The following TOLLIP variants were observed in gnomAD, a reference collection of about 807,000 sequenced individuals.
TOLLIP encodes toll-interacting protein.
Under a neutral mutation model 33.5 loss-of-function variants are expected in TOLLIP, and 16 were observed. The ratio of observed to expected loss-of-function variants is 0.48; its 90% CI spans 0.32 to 0.72. The LOEUF (loss-of-function observed/expected upper bound fraction) is 0.72, where lower values mean the gene tolerates loss of function less well. Among genes scored for constraint, TOLLIP ranks in the 30% least tolerant of loss-of-function variants. The probability of loss-of-function intolerance (pLI) is 0.03; values close to 1 mark genes in which losing one functional copy is unlikely to be tolerated. For synonymous variants in TOLLIP, 176 were observed against 163.7 expected (o/e 1.07, Z -0.57); for missense variants, 325 against 396.6 (o/e 0.82, Z 1.53).
chr11:1,301,417 C>A (rs1383988342), intron 1 of TOLLIP, among the ~76,000 whole-genome samples: 1 of 151,884 alleles, frequency 6.6e-6, no homozygotes, highest in Non-Finnish European at 1.5e-5. Context: ...TCCCCACCCA[C>A]CTCACAGCAG....
chr11:1,288,688 TA>T lies in TOLLIP; in HGVS notation c.454del (p.Tyr152ThrfsTer3), dbSNP rs760800248. On this transcript the variant is annotated frameshift_variant, in exon 4 of 6. Coordinates refer to ENST00000317204, the MANE Select transcript of TOLLIP (RefSeq NM_019009.4). LOFTEE classifies it high-confidence loss of function. ...LRQGKVEDKW[Y>X]SLSGRQGDDK... is the part of the protein sequence containing the mutation. Reference sequence around the variant, plus strand: ...GTCCCCCTGCCTCCCGCTCAGGCTGTACCACTTGTCCTCCACCTTGCCCTGC... The same window carrying T: ...GTCCCCCTGCCTCCCGCTCAGGCTGTCCACTTGTCCTCCACCTTGCCCTGC... 1 of 1,612,918 alleles carries T rather than the reference TA, an allele frequency of 6.2e-7. No homozygotes were observed. The highest frequency in any genetic ancestry group is 1.3e-5 in the African/African-American group (1 of 75,064).
intron 2 of TOLLIP, among the ~76,000 whole-genome samples, chr11:1,292,449 T>G (rs539495672): frequency 6.6e-6 from 1 of 152,216 alleles, no homozygotes; most frequent in Non-Finnish European, 1.5e-5. Flanking sequence ...CCTGCTCACA[T>G]TGGATCCTGC....
chr11:1,290,650 G>A lies in TOLLIP; in HGVS notation c.184-241C>T, dbSNP rs970408557. On this transcript the variant is annotated intron_variant, in intron 2 of 5. Coordinates refer to ENST00000317204, the MANE Select transcript of TOLLIP (RefSeq NM_019009.4). This position sits in a 1 kb window ranked among gnomAD's most constrained non-coding sequence, Gnocchi z 4.9. ...AGCACGTGGCTCGTCCTTGACAGCAGAAACCTACGACGCTCACAGACACAG... is the reference window on the plus strand; with the variant it reads ...AGCACGTGGCTCGTCCTTGACAGCAAAAACCTACGACGCTCACAGACACAG... Among the ~76,000 whole-genome samples, 5 of 152,124 alleles carry A rather than the reference G, an allele frequency of 3.3e-5. No homozygotes were observed. The highest frequency in any genetic ancestry group is 1.2e-4 in the African/African-American group (5 of 41,418).
At chr11:1,288,827 T>G in intron 3 of TOLLIP, 51 bp from the exon 4 acceptor site, 1 of 1,580,158 alleles carries the variant, frequency 6.3e-7, no homozygotes, top group South Asian at 1.2e-5. Flanking sequence ...GGGGCCACCC[T>G]GCCCCTGCAG....
At chr11:1,305,304 A>G (rs5743884) in intron 1 of TOLLIP, among the ~76,000 whole-genome samples, 1,857 of 152,352 alleles carry the variant, frequency 0.012, 24 homozygotes, top group African/African-American at 0.042. Flanking sequence ...AGGTGCAGTC[A>G]GCAGGAACGG....
chr11:1,282,102 T>C (rs1254483646), intron 5 of TOLLIP, among the ~76,000 whole-genome samples: 1 of 152,230 alleles, frequency 6.6e-6, no homozygotes, highest in Non-Finnish European at 1.5e-5. Flanking sequence ...CTAAAAGCAG[T>C]GTTCTCCTAA....
intron 1 of TOLLIP, among the ~76,000 whole-genome samples, chr11:1,308,756 G>T (rs927052692): frequency 3.9e-5 from 6 of 152,184 alleles, no homozygotes; most frequent in African/African-American, 1.4e-4. Context: ...GGCCCAAGAA[G>T]TGGTCACCAC....
At chr11:1,295,608 C>G (rs766643365) in intron 2 of TOLLIP, 37 bp downstream of exon 2, 2 of 1,495,498 alleles carry the variant, frequency 1.3e-6, no homozygotes, top group Non-Finnish European at 1.8e-6. Context: ...CCGAGCGCAC[C>G]AGCCCCAGGC....
rs768680488 is a variant in TOLLIP, at chr11:1,290,343, C to T, written c.250G>A (p.Ala84Thr). ...DPYCRLRLGY[A>T]VYETPTAHNG... Reference sequence around the variant, plus strand: ...TGTGCCGTGGGCGTCTCGTACACCGCGTAGCCCAGGCGCAGTCGGCAGTAG... The same window carrying T: ...TGTGCCGTGGGCGTCTCGTACACCGTGTAGCCCAGGCGCAGTCGGCAGTAG... The change falls in exon 3 of 6, where the codon GCG becomes ACG. Residue 84 changes from alanine to threonine, a missense_variant. Transcript: ENST00000317204. The surrounding 1 kb of genome is among the most constrained non-coding windows in gnomAD (Gnocchi z 4.9). 1.6e-5 allele frequency: 26 copies of T among 1,613,474 alleles called. No individual in the cohort carries two copies. The highest frequency in any genetic ancestry group is 6.7e-5 in the Admixed American group (4 of 60,010).
chr11:1,305,190 T>C (rs1864393002), intron 1 of TOLLIP, among the ~76,000 whole-genome samples: 1 of 152,194 alleles, frequency 6.6e-6, no homozygotes, highest in African/African-American at 2.4e-5. Flanking sequence ...ATTCCACACC[T>C]GTACAGACTC....
Position 1,276,517 on chromosome 11 carries a change from CCAGACCCAAGCCCTGGGCAGGGG to C in TOLLIP, c.*499_*521del. On this transcript the variant is annotated 3_prime_UTR_variant, in exon 6 of 6. Coordinates refer to ENST00000317204, the MANE Select transcript of TOLLIP (RefSeq NM_019009.4). ...CATCCACAGGAAGCTGCTCAGCTCACCAGACCCAAGCCCTGGGCAGGGGCCAGGCTCACAGCAAAGCGCGTTAG... is the reference window on the plus strand; with the variant it reads ...CATCCACAGGAAGCTGCTCAGCTCACCCAGGCTCACAGCAAAGCGCGTTAG... 1 of 488,210 alleles carries C rather than the reference CCAGACCCAAGCCCTGGGCAGGGG, an allele frequency of 2.0e-6. No individual in the cohort carries two copies. The highest frequency in any genetic ancestry group is 3.4e-6 in the Non-Finnish European group (1 of 295,246). The allele number at this position is 488,210 out of a possible 1,614,324, so 30.2% of individuals were successfully genotyped here.
intron 1 of TOLLIP, among the ~76,000 whole-genome samples, chr11:1,301,806 G>A (rs5743903): frequency 0.013 from 1,927 of 152,306 alleles, 49 homozygotes; most frequent in African/African-American, 0.043. Context: ...ACCTGGGCTG[G>A]GCTCGTGGCT....
chr11:1,307,863 A>G (rs573193750), intron 1 of TOLLIP, among the ~76,000 whole-genome samples: 1 of 152,312 alleles, frequency 6.6e-6, no homozygotes, highest in Admixed American at 6.5e-5. Flanking sequence ...AAAAGCAGCT[A>G]TGCCCAAAAC....
intron 1 of TOLLIP, 66 bp downstream of exon 1, chr11:1,309,400 T>A (rs1428674041): frequency 2.1e-6 from 2 of 968,154 alleles, no homozygotes; most frequent in East Asian, 7.3e-5. Flanking sequence ...GCAGTAGCCC[T>A]GACCCAAGGC....
chr11:1,276,636 A>G lies in TOLLIP; in HGVS notation c.*403T>C, dbSNP rs892606610. ...CAGTGTGAGGGATTGTGTGTGCCTT[A>G]AATCAACAGCTCTATTCCAATTACA... On this transcript the variant is annotated 3_prime_UTR_variant, in exon 6 of 6. Coordinates refer to ENST00000317204, the MANE Select transcript of TOLLIP (RefSeq NM_019009.4). The G allele has an allele frequency of 1.3e-5, 17 of 1,296,582 alleles. No homozygotes were observed. In the African/African-American group the frequency reaches 2.4e-4, roughly 18 times the overall value. 80.3% of individuals were successfully genotyped at this position (1,296,582 alleles called of 1,614,324 possible).
At chr11:1,297,866 C>T (rs903974558) in intron 1 of TOLLIP, among the ~76,000 whole-genome samples, 4 of 152,216 alleles carry the variant, frequency 2.6e-5, no homozygotes, top group Admixed American at 2.6e-4. Context: ...CGCTGAGAGG[C>T]CCCATGGCAC....
chr11:1,282,742 G>A (rs1034254453), intron 5 of TOLLIP, among the ~76,000 whole-genome samples: 1 of 151,800 alleles, frequency 6.6e-6, no homozygotes, highest in African/African-American at 2.4e-5. Flanking sequence ...TAACAAACCT[G>A]CACGTTGTGC....
rs973876266 is a variant in TOLLIP, at chr11:1,309,370, G to C, written c.33+96C>G. On this transcript the variant is annotated intron_variant, in intron 1 of 5. Transcript: ENST00000317204. ...CGTGCCCCGGGAGAGCCGCGGAGTC[G>C]GCCCGCCAGCCGCAGCTGAGCAGTA... 2.5e-5 allele frequency: 18 copies of C among 710,818 alleles called. No homozygotes were observed. In the Middle Eastern group the frequency reaches 2.0e-3, roughly 77 times the overall value. The allele number at this position is 710,818 out of a possible 1,614,324, so 44.0% of individuals were successfully genotyped here.
intron 1 of TOLLIP, among the ~76,000 whole-genome samples, chr11:1,307,735 G>T (rs1324744919): frequency 6.6e-6 from 1 of 152,192 alleles, no homozygotes; most frequent in Non-Finnish European, 1.5e-5. Flanking sequence ...CACTGTGGTG[G>T]AGTAAAGATG....
Sources: gnomAD v4.1 joint callset for allele counts (sites outside exome capture counted in the v4.1 genomes callset) on GRCh38, gnomAD v4.1.1 for gene constraint, Gnocchi (gnomAD v3.1) non-coding constraint, MANE v1.5 for transcripts, NCBI Gene and HGNC (gene_info 2026-07-23, HGNC 2026-07-21) for gene names.